SCAF4: variants seen among roughly 807,000 people sequenced by gnomAD.
SCAF4 encodes SR-related CTD associated factor 4.
Under a neutral mutation model 129.8 loss-of-function variants are expected in SCAF4, and 25 were observed. That is an observed-to-expected ratio of 0.19 (90% CI 0.14 to 0.27). The LOEUF is 0.27. SCAF4 is among the 10% of genes least tolerant of loss of function. SCAF4 has a pLI of 1.00. For missense variants in SCAF4, 1,246 were observed against 1,457.1 expected, an observed-to-expected ratio of 0.86 and a Z score of 2.36; for synonymous variants, 551 against 497.7, an observed-to-expected ratio of 1.11 and a Z score of -1.43.
chr21:31,717,567 G>C (rs1468743439), intron 1 of SCAF4, among the ~76,000 whole-genome samples: 3 of 151,940 alleles, frequency 2.0e-5, no homozygotes, highest in Non-Finnish European at 4.4e-5. Context: ...AAGTGATAAA[G>C]AAATATGGTT....
intron 19 of SCAF4, among the ~76,000 whole-genome samples, chr21:31,678,043 C>G (rs2049903325): frequency 6.6e-6 from 1 of 152,206 alleles, no homozygotes; most frequent in African/African-American, 2.4e-5. Flanking sequence ...CCTCTCACCA[C>G]TTCTCTATTT....
chr21:31,706,194 GTTGACT>G, intron 2 of SCAF4, 74 bp downstream of exon 2: 1 of 949,976 alleles, frequency 1.1e-6, no homozygotes, highest in Middle Eastern at 3.2e-4. Flanking sequence ...TAATTCACAA[GTTGACT>G]TCTCATGTTT....
intron 1 of SCAF4, among the ~76,000 whole-genome samples, chr21:31,717,615 G>A (rs1252682516): frequency 2.0e-5 from 3 of 151,898 alleles, no homozygotes; most frequent in African/African-American, 4.8e-5. Flanking sequence ...TGTCCACAGA[G>A]TAAATCTTGT....
Position 31,671,992 on chromosome 21 carries a change from G to A in SCAF4, c.2851C>T (p.Pro951Ser). 6.2e-7 allele frequency: 1 copy of A among 1,611,822 alleles called. No individual in the cohort carries two copies. The highest frequency in any genetic ancestry group is 8.5e-7 in the Non-Finnish European group (1 of 1,178,422). ...QQPPQQPQQQ[P>S]QPQAPQQPQQ... ...GGTTGCTGGGGCGCCTGCGGCTGTG[G>A]CTGCTGCTGTGGCTGCTGCGGCGGC... Residue 951 changes from proline (P) to serine (S), a missense_variant, in exon 20 of 20, where the codon CCA becomes TCA. Transcript: ENST00000286835.
intron 1 of SCAF4, chr21:31,712,917 G>A: frequency 9.4e-6 from 9 of 956,506 alleles, no homozygotes; most frequent in Non-Finnish European, 1.1e-5. Flanking sequence ...AATAATCAGT[G>A]CTTAATAAAT....
At chr21:31,686,974 T>A (rs1041384460) in intron 16 of SCAF4, among the ~76,000 whole-genome samples, 2 of 152,170 alleles carry the variant, frequency 1.3e-5, no homozygotes, top group East Asian at 1.9e-4. Context: ...TGTAAATGAG[T>A]GCTGACACAC....
At position 31,672,168 on chromosome 21, in the gene SCAF4, G is replaced by A. The variant is rs771402529; in HGVS notation, c.2675C>T (p.Pro892Leu). 6.2e-7 allele frequency: 1 copy of A among 1,604,614 alleles called. No homozygotes were observed. The highest frequency in any genetic ancestry group is 8.5e-7 in the Non-Finnish European group (1 of 1,173,486). Residue 892 changes from proline (P) to leucine (L), a missense_variant, in exon 20 of 20, where the codon CCA (proline) becomes CTA (leucine). By Grantham distance (98) the Pro-to-Leu change is moderately conservative. Coordinates refer to ENST00000286835, the MANE Select transcript of SCAF4 (RefSeq NM_020706.2). Reference protein sequence around the residue: ...PPHMMHRGPPPGPGGFAMPPP... With the variant: ...PPHMMHRGPPLGPGGFAMPPP... ...AGGCATCGCAAAGCCCCCTGGTCCTGGCGGTGGGCCTCTGTGCATCATGTG... is the reference window on the plus strand; with the variant it reads ...AGGCATCGCAAAGCCCCCTGGTCCTAGCGGTGGGCCTCTGTGCATCATGTG...
chr21:31,685,866 A>G (rs2050109635), intron 16 of SCAF4, 133 bp from the exon 17 acceptor site: 2 of 809,546 alleles, frequency 2.5e-6, no homozygotes, highest in East Asian at 2.8e-5. Flanking sequence ...AATTTATTAA[A>G]TAACAGGTGG....
chr21:31,694,018 T>C (rs1204646847), intron 11 of SCAF4, among the ~76,000 whole-genome samples, 186 bp downstream of exon 11: 1 of 152,060 alleles, frequency 6.6e-6, no homozygotes, highest in Non-Finnish European at 1.5e-5. Flanking sequence ...AAAAGTAAGA[T>C]GAATGATGTA....
At chr21:31,728,255 G>A (rs1364399149) in intron 1 of SCAF4, among the ~76,000 whole-genome samples, 1 of 151,972 alleles carries the variant, frequency 6.6e-6, no homozygotes, top group Non-Finnish European at 1.5e-5. Context: ...ACAAACAAAC[G>A]TACTGCCTAT....
At chr21:31,729,167 T>C (rs535762904) in intron 1 of SCAF4, among the ~76,000 whole-genome samples, 1 of 152,336 alleles carries the variant, frequency 6.6e-6, no homozygotes, top group South Asian at 2.1e-4. Context: ...AAAACTGAAA[T>C]TCAAACACAT....
chr21:31,720,901 T>C (rs2051050898), intron 1 of SCAF4, among the ~76,000 whole-genome samples: 1 of 152,210 alleles, frequency 6.6e-6, no homozygotes, highest in African/African-American at 2.4e-5. Context: ...CTAGATAGTT[T>C]TCATCTTGAC....
rs1420904465 is a variant in SCAF4 at position 31,711,469 on chromosome 21, G to A, written c.31-5112C>T. Among the ~76,000 whole-genome samples, 3 of 152,168 alleles carry A rather than the reference G, an allele frequency of 2.0e-5. No individual in the cohort carries two copies. The East Asian group carries it at 5.8e-4, about 29-fold the overall frequency. On this transcript the variant is annotated intron_variant, in intron 1 of 19. Coordinates refer to ENST00000286835, the MANE Select transcript of SCAF4 (RefSeq NM_020706.2). ...CCTGGTAAGCATGTACATTGACACT[G>A]TCCATTTGGACAGAAATAGTAACAA...
At chr21:31,703,465 T>C (rs1264851739) in intron 4 of SCAF4, among the ~76,000 whole-genome samples, 2 of 152,134 alleles carry the variant, frequency 1.3e-5, no homozygotes, top group Non-Finnish European at 2.9e-5. Context: ...ATGTCATACC[T>C]ATTGATTAGC....
At chr21:31,702,836 C>T (rs1288160248) in intron 4 of SCAF4, among the ~76,000 whole-genome samples, 1 of 152,124 alleles carries the variant, frequency 6.6e-6, no homozygotes. Context: ...ATGGGCACAA[C>T]TTTTATCTTT....
Position 31,703,932 on chromosome 21 carries a change from A to G in SCAF4, c.160-6T>C. 1 of 1,528,852 alleles carries G rather than the reference A, an allele frequency of 6.5e-7. No individual in the cohort carries two copies. The allele number at this position is 1,528,852 out of a possible 1,614,324, so 94.7% of individuals were successfully genotyped here. On this transcript the variant is annotated splice_polypyrimidine_tract_variant and splice_region_variant and intron_variant, in intron 3 of 19. Transcript: ENST00000286835. ...ACCTTGTATTCTGGTTTACACTGCA[A>G]GGATAAAGATGTAAGATCAGTACAG...
chr21:31,705,939 G>C (rs186429682), intron 2 of SCAF4, among the ~76,000 whole-genome samples: 1 of 152,172 alleles, frequency 6.6e-6, no homozygotes. Flanking sequence ...GCGTGGTGGC[G>C]CACACCTGTA....
intron 1 of SCAF4, among the ~76,000 whole-genome samples, chr21:31,716,078 C>T (rs559721323): frequency 1.4e-4 from 21 of 152,076 alleles, no homozygotes; most frequent in African/African-American, 4.6e-4. Context: ...ATAAAGTTGC[C>T]GAGGCAATAA....
At chr21:31,703,687 T>C in intron 4 of SCAF4, 78 bp downstream of exon 4, 2 of 779,212 alleles carry the variant, frequency 2.6e-6, no homozygotes, top group Non-Finnish European at 3.9e-6. Context: ...GGTAATATAG[T>C]AGGCTCCAAA....
Sources: allele counts gnomAD v4.1 joint callset (sites outside exome capture counted in the v4.1 genomes callset), GRCh38; gene constraint gnomAD v4.1.1; transcripts MANE v1.5; gene names NCBI Gene and HGNC (gene_info 2026-07-23, HGNC 2026-07-21).